The following FDFT1 variants were observed in gnomAD, a reference collection of about 807,000 sequenced individuals.
FDFT1 encodes squalene synthase.
Under a neutral mutation model 46.8 loss-of-function variants are expected in FDFT1, and 68 were observed. The observed-to-expected ratio is 1.45, with a 90% CI of 1.19 to 1.78. The LOEUF is 1.78. Among genes scored for constraint, FDFT1 ranks in the 40% most tolerant of loss-of-function variants. FDFT1 has a pLI of 0.00. For synonymous variants in FDFT1, 351 were observed against 185.1 expected (o/e 1.90, Z -7.28); for missense variants, 928 against 524.4 (o/e 1.77, Z -7.52).
chr8:11,825,211 G>A (rs1054839209), intron 4 of FDFT1, among the ~76,000 whole-genome samples: 4 of 151,972 alleles, frequency 2.6e-5, no homozygotes, highest in African/African-American at 7.2e-5. Flanking sequence ...ATCTTTCATC[G>A]TTGCCTTCTC....
In FDFT1 at chr8:11,809,647, T is replaced by TA. The variant is rs748052885; in HGVS notation, c.198-19dup. 2.5e-6 allele frequency: 4 copies of TA among 1,575,622 alleles called. No homozygotes were observed. In the Admixed American group the frequency reaches 5.8e-5, roughly 23 times the overall value. On this transcript the variant is annotated intron_variant, in intron 2 of 7. Coordinates refer to ENST00000220584, the MANE Select transcript of FDFT1 (RefSeq NM_004462.5). The stretch of plus-strand genomic sequence containing the variant: ...TTGGCTGTTTGTTCCAATATATTAA[T>TA]AGTTTTCCCTTTTTTACAGCAACGC...
intron 5 of FDFT1, among the ~76,000 whole-genome samples, chr8:11,828,377 C>G (rs1810303005): frequency 6.6e-6 from 1 of 152,222 alleles, no homozygotes; most frequent in African/African-American, 2.4e-5. Flanking sequence ...GACTCGTGTG[C>G]AGCCAGGGTT....
intron 2 of FDFT1, chr8:11,809,112 G>A (rs1159161587): frequency 7.7e-7 from 1 of 1,291,424 alleles, no homozygotes; most frequent in Non-Finnish European, 1.0e-6. Context: ...AGAAGAGGGG[G>A]GAGGGGGTGA....
At chr8:11,830,218 G>T (rs756024887) in intron 5 of FDFT1, 26 bp from the exon 6 acceptor site, 3 of 1,591,592 alleles carry the variant, frequency 1.9e-6, no homozygotes, top group East Asian at 4.5e-5. Context: ...ACGCTGACCT[G>T]TTCCTTAATC....
Position 11,830,377 on chromosome 8 carries a change from G to A in FDFT1, c.836G>A (p.Arg279Lys). The change falls in exon 6 of 8, where the codon AGA (arginine) becomes AAA (lysine). Residue 279 changes from arginine to lysine, a missense_variant. Coordinates refer to ENST00000220584, the MANE Select transcript of FDFT1 (RefSeq NM_004462.5). ...CCAGATGTCATCACCTACCTTTCGA[G>A]ACTCAGAAACCAGAGTGTGTTTAAC... ...HIPDVITYLSRLRNQSVFNFC... is the reference protein window; with the variant it reads ...HIPDVITYLSKLRNQSVFNFC... The A allele has an allele frequency of 6.2e-7, 1 of 1,613,850 alleles. No homozygotes were observed. Among genetic ancestry groups the A allele is most frequent in the Non-Finnish European group, 8.5e-7 (1 of 1,179,862 alleles).
chr8:11,831,413 C>T (rs1030720414), intron 6 of FDFT1, 105 bp from the exon 7 acceptor site: 6 of 912,600 alleles, frequency 6.6e-6, no homozygotes, highest in East Asian at 4.9e-5. Context: ...AGTTGATTAG[C>T]AGTTAGCAAT....
At chr8:11,809,401 A>G (rs949514620) in intron 2 of FDFT1, 4 of 1,208,512 alleles carry the variant, frequency 3.3e-6, no homozygotes, top group African/African-American at 3.1e-5. Context: ...CCATAGTTCT[A>G]CATTGGTTAA....
upstream of FDFT1, chr8:11,802,480 G>C (rs1258987104): frequency 4.2e-6 from 2 of 479,060 alleles, no homozygotes; most frequent in Non-Finnish European, 8.3e-6. Flanking sequence ...ACAAAGGCCC[G>C]GCTCCATCAG....
intron 3 of FDFT1, among the ~76,000 whole-genome samples, chr8:11,811,409 A>G (rs887035250): frequency 6.6e-6 from 1 of 152,256 alleles, no homozygotes; most frequent in Non-Finnish European, 1.5e-5. Context: ...TAATAATTAA[A>G]AAATTTCTGG....
At chr8:11,808,959 G>A (rs1807312746) in intron 2 of FDFT1, 68 bp downstream of exon 2, 2 of 1,567,842 alleles carry the variant, frequency 1.3e-6, no homozygotes, top group Non-Finnish European at 1.7e-6. Context: ...TGTGTTGGAA[G>A]CTACCTTTTG....
intron 5 of FDFT1, among the ~76,000 whole-genome samples, chr8:11,827,785 G>C (rs1006370599): frequency 6.6e-6 from 1 of 151,992 alleles, no homozygotes; most frequent in Non-Finnish European, 1.5e-5. Context: ...GCTCACGCCT[G>C]TAATCTCAAC....
At chr8:11,810,847 C>T (rs1807614815) in intron 3 of FDFT1, among the ~76,000 whole-genome samples, 1 of 147,708 alleles carries the variant, frequency 6.8e-6, no homozygotes, top group Admixed American at 6.9e-5. Flanking sequence ...TAATCTGTAG[C>T]TGAGTTGGGA....
upstream of FDFT1, chr8:11,797,968 C>T (rs890172826): frequency 6.6e-6 from 1 of 152,206 alleles, no homozygotes; most frequent in Admixed American, 6.5e-5. Context: ...ATGGCAAGGA[C>T]GTTTTTATTC....
At position 11,838,723 on chromosome 8, in the gene FDFT1, C is replaced by T. The variant is rs758683202; in HGVS notation, c.*114C>T. 200 of 838,712 alleles carry T rather than the reference C, an allele frequency of 2.4e-4. No homozygotes were observed. The highest frequency in any genetic ancestry group is 3.4e-4 in the Non-Finnish European group (173 of 508,226). The allele number at this position is 838,712 out of a possible 1,614,324, so 52.0% of individuals were successfully genotyped here. A position where few individuals can be genotyped will look rare whatever the true frequency, so the allele number is the denominator to read the frequency against. On this transcript the variant is annotated 3_prime_UTR_variant, in exon 8 of 8. Transcript: ENST00000220584. The stretch of plus-strand genomic sequence containing the variant: ...CCTACTACTTTAATCCCTAAAAGAA[C>T]GCTGTGTGGCTGGGACCTTTAGGAA...
In FDFT1 at chr8:11,838,618, T is replaced by G. The variant is rs1811895964; in HGVS notation, c.*9T>G. On this transcript the variant is annotated 3_prime_UTR_variant, in exon 8 of 8. Transcript: ENST00000220584. ...AGACTGGAGAACACTGATCCCAAATTTGTCCATAGCTGAAGTCCACCATAA... is the reference window on the plus strand; with the variant it reads ...AGACTGGAGAACACTGATCCCAAATGTGTCCATAGCTGAAGTCCACCATAA... 6.3e-7 allele frequency: 1 copy of G among 1,599,910 alleles called. No homozygotes were observed. Among genetic ancestry groups the G allele is most frequent in the Non-Finnish European group, 8.6e-7 (1 of 1,167,158 alleles).
intron 3 of FDFT1, among the ~76,000 whole-genome samples, chr8:11,815,452 T>A (rs1808317556): frequency 6.6e-6 from 1 of 152,210 alleles, no homozygotes; most frequent in Admixed American, 6.5e-5. Flanking sequence ...CATACTGTCT[T>A]CCACAATGGT....
chr8:11,820,318 G>A (rs1585935268), intron 3 of FDFT1, among the ~76,000 whole-genome samples: 1 of 152,306 alleles, frequency 6.6e-6, no homozygotes, highest in South Asian at 2.1e-4. Context: ...ACCCACTTGA[G>A]GAGGCAGTCT....
chr8:11,823,494 A>G (rs561235942), intron 4 of FDFT1, among the ~76,000 whole-genome samples: 7 of 152,270 alleles, frequency 4.6e-5, no homozygotes, highest in African/African-American at 1.7e-4. Flanking sequence ...CTTTTGTCCC[A>G]GAACAAATTT....
intron 2 of FDFT1, chr8:11,809,287 C>G (rs558376579): frequency 1.5e-5 from 16 of 1,093,974 alleles, no homozygotes; most frequent in South Asian, 1.3e-4. Flanking sequence ...AGACCAGTTG[C>G]CTTTATGTAT....
Sources: gnomAD v4.1 joint callset for allele counts (sites outside exome capture counted in the v4.1 genomes callset) on GRCh38, gnomAD v4.1.1 for gene constraint, MANE v1.5 for transcripts, NCBI Gene and HGNC (gene_info 2026-07-23, HGNC 2026-07-21) for gene names.